Variants in XKR6 observed in about 807,000 individuals in gnomAD.
The protein encoded by XKR6 is XK related 6.
XKR6 carries 22 observed loss-of-function variants against 56.7 expected under a neutral mutation model. That is an observed-to-expected ratio of 0.39 (90% CI 0.28 to 0.55). The LOEUF (loss-of-function observed/expected upper bound fraction) is 0.55, where lower values mean the gene tolerates loss of function less well. XKR6 is among the 20% of genes least tolerant of loss of function. The pLI is 0.66. For synonymous variants in XKR6, 524 were observed against 387.8 expected, an observed-to-expected ratio of 1.35 and a Z score of -4.13; for missense variants, 852 against 889.0, an observed-to-expected ratio of 0.96 and a Z score of 0.53.
At chr8:11,079,234 A>G (rs945278742) in intron 1 of XKR6, among the ~76,000 whole-genome samples, 6 of 152,232 alleles carry the variant, frequency 3.9e-5, no homozygotes, top group Non-Finnish European at 8.8e-5. Flanking sequence ...TGCAATGGCA[A>G]GAGGAAGTGT....
chr8:11,008,170 G>C (rs1798415593), intron 1 of XKR6, among the ~76,000 whole-genome samples: 1 of 152,142 alleles, frequency 6.6e-6, no homozygotes, highest in Admixed American at 6.5e-5. Flanking sequence ...ACCCTCGGTG[G>C]CTTCTGCTGT....
intron 1 of XKR6, among the ~76,000 whole-genome samples, chr8:11,115,634 G>T (rs952013525): frequency 1.1e-5 from 1 of 94,296 alleles, no homozygotes; most frequent in Non-Finnish European, 2.0e-5. Flanking sequence ...AATATGATAC[G>T]TTACCAAAAA....
At chr8:11,092,972 CCACA>C (rs1798127026) in intron 1 of XKR6, among the ~76,000 whole-genome samples, 1 of 152,222 alleles carries the variant, frequency 6.6e-6, no homozygotes, top group Non-Finnish European at 1.5e-5. Context: ...CCTTGACTAC[CCACA>C]GTCGCCAACC....
chr8:11,104,998 T>G (rs968192854), intron 1 of XKR6: 1 of 152,122 alleles, frequency 6.6e-6, no homozygotes, highest in Non-Finnish European at 1.5e-5. Context: ...CTCTACCACA[T>G]TCGGTTTTTA....
chr8:11,018,865 T>C (rs1291611844), intron 1 of XKR6, among the ~76,000 whole-genome samples: 2 of 152,282 alleles, frequency 1.3e-5, no homozygotes, highest in African/African-American at 4.8e-5. Context: ...AGAACTCCTG[T>C]CCCACTCTGC....
intron 1 of XKR6, among the ~76,000 whole-genome samples, chr8:10,929,332 T>C (rs1800992349): frequency 6.6e-6 from 1 of 152,222 alleles, no homozygotes; most frequent in Non-Finnish European, 1.5e-5. Flanking sequence ...ATTTTACAGG[T>C]GCAGTATTAC....
chr8:11,041,285 C>A (rs965558738), intron 1 of XKR6, among the ~76,000 whole-genome samples: 1 of 152,120 alleles, frequency 6.6e-6, no homozygotes, highest in African/African-American at 2.4e-5. Context: ...AGGCCGGGCG[C>A]GGTGGCTCAC....
chr8:11,067,981 G>T (rs1800024112), intron 1 of XKR6, among the ~76,000 whole-genome samples: 2 of 152,258 alleles, frequency 1.3e-5, no homozygotes, highest in South Asian at 2.1e-4. Flanking sequence ...GGTGGTTGCT[G>T]TTGCTCGTCC....
At chr8:10,970,248 A>T (rs904144760) in intron 1 of XKR6, among the ~76,000 whole-genome samples, 26 of 152,184 alleles carry the variant, frequency 1.7e-4, no homozygotes, top group African/African-American at 6.0e-4. Flanking sequence ...GCCATCCAAG[A>T]GGACAGGGTA....
At chr8:11,094,632 G>A (rs1295949412) in intron 1 of XKR6, among the ~76,000 whole-genome samples, 4 of 152,138 alleles carry the variant, frequency 2.6e-5, no homozygotes, top group African/African-American at 7.2e-5. Context: ...TGCACAGACT[G>A]GGGGCTGGTG....
intron 1 of XKR6, among the ~76,000 whole-genome samples, chr8:11,155,678 T>A (rs963568853): frequency 6.6e-5 from 10 of 152,192 alleles, no homozygotes; most frequent in Admixed American, 2.0e-4. Flanking sequence ...ACCATCCTCA[T>A]CACTTGCAGA....
chr8:11,003,847 G>A (rs1798301853), intron 1 of XKR6, among the ~76,000 whole-genome samples: 1 of 152,258 alleles, frequency 6.6e-6, no homozygotes, highest in African/African-American at 2.4e-5. Flanking sequence ...TGCCTGTGAT[G>A]AGAGCAAAAG....
intron 1 of XKR6, among the ~76,000 whole-genome samples, chr8:11,165,334 A>G (rs564721621): frequency 6.6e-5 from 10 of 152,134 alleles, no homozygotes; most frequent in Middle Eastern, 3.4e-3. Context: ...TCCTGACCTC[A>G]TGATCTGCCC....
chr8:11,178,123 C>A (rs1006888367), intron 1 of XKR6, among the ~76,000 whole-genome samples: 1 of 152,102 alleles, frequency 6.6e-6, no homozygotes, highest in African/African-American at 2.4e-5. Context: ...AGGCACGAAA[C>A]CACACCATGG....
chr8:11,155,260 T>G (rs1801462523), intron 1 of XKR6, among the ~76,000 whole-genome samples: 1 of 152,266 alleles, frequency 6.6e-6, no homozygotes, highest in Admixed American at 6.5e-5. Context: ...TATTTAACAT[T>G]TGGGCAGATT....
At chr8:11,169,972 T>C (rs993979379) in intron 1 of XKR6, among the ~76,000 whole-genome samples, 2 of 117,522 alleles carry the variant, frequency 1.7e-5, no homozygotes, top group African/African-American at 3.7e-5. Context: ...TGTGATCTCA[T>C]AGACATACAT....
At chr8:11,173,874 T>TG (rs2117056449) in intron 1 of XKR6, among the ~76,000 whole-genome samples, 1 of 152,256 alleles carries the variant, frequency 6.6e-6, no homozygotes, top group Admixed American at 6.5e-5. Context: ...ACAGATCACT[T>TG]GGACACCTAG....
intron 1 of XKR6, among the ~76,000 whole-genome samples, chr8:11,029,030 C>T (rs1484174598): frequency 1.3e-5 from 2 of 152,156 alleles, no homozygotes; most frequent in Non-Finnish European, 2.9e-5. Flanking sequence ...GTCACCCCCA[C>T]CCTGTGCCTG....
rs747219787 is a variant in XKR6 at position 10,898,942 on chromosome 8, A to G, written c.962-26T>C. 1 of 1,567,816 alleles carries G rather than the reference A, an allele frequency of 6.4e-7. No homozygotes were observed. The highest frequency in any genetic ancestry group is 8.6e-7 in the Non-Finnish European group (1 of 1,160,368). Reference sequence around the variant, plus strand: ...CTGCCGGAAAGACACAAACCCACACAGTCAAAACCTTGGACATCAACCGCA... The same window carrying G: ...CTGCCGGAAAGACACAAACCCACACGGTCAAAACCTTGGACATCAACCGCA... On this transcript the variant is annotated intron_variant, in intron 2 of 2. Transcript: ENST00000416569. The surrounding 1 kb of genome is among the most constrained non-coding windows in gnomAD (Gnocchi z 6.6).
Sources: allele counts gnomAD v4.1 joint callset (sites outside exome capture counted in the v4.1 genomes callset), GRCh38; gene constraint gnomAD v4.1.1; non-coding constraint Gnocchi (gnomAD v3.1); transcripts MANE v1.5; gene names NCBI Gene and HGNC (gene_info 2026-07-23, HGNC 2026-07-21).